COG5: variants seen among roughly 807,000 people sequenced by gnomAD.
COG5 encodes component of oligomeric golgi complex 5, also known as conserved oligomeric Golgi complex subunit 5.
Under a neutral mutation model 110.4 loss-of-function variants are expected in COG5, and 86 were observed. The ratio of observed to expected loss-of-function variants is 0.78; its 90% CI spans 0.65 to 0.93. COG5 has a LOEUF of 0.93. Among genes scored for constraint, COG5 ranks in the 40% least tolerant of loss-of-function variants. The pLI, the probability that COG5 is intolerant of heterozygous loss-of-function variation, is 0.00. For missense variants in COG5, 1,077 were observed against 987.0 expected (o/e 1.09, Z -1.22); for synonymous variants, 360 against 334.6 (o/e 1.08, Z -0.83).
chr7:107,227,548 GCAGAAAATTTC>G (rs762599360), intron 19 of COG5, among the ~76,000 whole-genome samples: 295 of 152,254 alleles, frequency 1.9e-3, no homozygotes, highest in Non-Finnish European at 3.2e-3. Context: ...GAAAGGGTTG[GCAGAAAATTTC>G]CATCTTAAAT....
At chr7:107,540,230 T>C (rs888534445) in intron 5 of COG5, among the ~76,000 whole-genome samples, 3 of 152,172 alleles carry the variant, frequency 2.0e-5, no homozygotes, top group African/African-American at 4.8e-5. Flanking sequence ...AGGGCTAAAC[T>C]AGCCCTAGGC....
At chr7:107,522,157 A>G (rs938035880) in intron 6 of COG5, among the ~76,000 whole-genome samples, 2 of 152,182 alleles carry the variant, frequency 1.3e-5, no homozygotes, top group Non-Finnish European at 1.5e-5. Flanking sequence ...ATTAGGATAA[A>G]TAACTAATGC....
intron 6 of COG5, among the ~76,000 whole-genome samples, chr7:107,439,713 G>C (rs1195875415): frequency 6.6e-6 from 1 of 152,034 alleles, no homozygotes; most frequent in Non-Finnish European, 1.5e-5. Context: ...TTTCTAAGTA[G>C]ACTATCATGT....
In COG5 at chr7:107,237,292, C is replaced by A. The variant is rs1378492312; in HGVS notation, c.1854-605G>T. ...CTTTAATTTGGATCAACAAATGATA[C>A]CAGCTGATGCTCCATGAAATACTAT... On this transcript the variant is annotated intron_variant, in intron 17 of 21. Transcript: ENST00000297135. Among the ~76,000 whole-genome samples the A allele has an allele frequency of 2.6e-5, 4 of 152,110 alleles. No homozygotes were observed. The East Asian group carries it at 5.8e-4, about 22-fold the overall frequency.
chr7:107,387,170 T>C, intron 7 of COG5, among the ~76,000 whole-genome samples: 1 of 152,176 alleles, frequency 6.6e-6, no homozygotes, highest in East Asian at 1.9e-4. Context: ...CAGAGCCCCA[T>C]GGTCAAGCAG....
At chr7:107,305,464 G>A (rs2116958799) in intron 11 of COG5, among the ~76,000 whole-genome samples, 1 of 152,206 alleles carries the variant, frequency 6.6e-6, no homozygotes, top group East Asian at 1.9e-4. Flanking sequence ...TTTCATAAAT[G>A]TACTAGTTAT....
chr7:107,363,848 G>A (rs753737888), intron 8 of COG5, among the ~76,000 whole-genome samples: 5 of 151,800 alleles, frequency 3.3e-5, no homozygotes, highest in Admixed American at 6.6e-5. Context: ...CTAGCTACTC[G>A]GGAGGCTGAG....
intron 11 of COG5, among the ~76,000 whole-genome samples, chr7:107,311,585 G>T (rs1808273762): frequency 6.7e-6 from 1 of 149,580 alleles, no homozygotes; most frequent in Non-Finnish European, 1.5e-5. Context: ...AGTAGAGACG[G>T]GGTTTCACCT....
chr7:107,522,165 T>C (rs1487240474), intron 6 of COG5, among the ~76,000 whole-genome samples: 2 of 152,094 alleles, frequency 1.3e-5, no homozygotes, highest in African/African-American at 2.4e-5. Flanking sequence ...AAATAACTAA[T>C]GCATATGAGG....
chr7:107,444,004 T>C (rs924545386), intron 6 of COG5, among the ~76,000 whole-genome samples: 1 of 152,190 alleles, frequency 6.6e-6, no homozygotes, highest in African/African-American at 2.4e-5. Context: ...AAAAATGAAT[T>C]AGACGCCTAC....
intron 5 of COG5, among the ~76,000 whole-genome samples, chr7:107,540,978 C>G (rs749498665): frequency 6.6e-6 from 1 of 151,792 alleles, no homozygotes; most frequent in Admixed American, 6.6e-5. Flanking sequence ...TGGTAAAACC[C>G]CATCTCTACT....
chr7:107,289,060 A>T (rs1488393028), intron 12 of COG5, among the ~76,000 whole-genome samples: 1 of 150,416 alleles, frequency 6.6e-6, no homozygotes, highest in Non-Finnish European at 1.5e-5. Context: ...TCCTGGACTC[A>T]AGTGATTTTC....
intron 6 of COG5, among the ~76,000 whole-genome samples, chr7:107,508,628 C>G (rs548996808): frequency 2.0e-5 from 3 of 152,324 alleles, no homozygotes; most frequent in African/African-American, 4.8e-5. Context: ...GGAGGCACCC[C>G]CCAGTAGGGG....
intron 5 of COG5, among the ~76,000 whole-genome samples, chr7:107,538,389 A>G (rs762994501): frequency 6.6e-6 from 1 of 152,124 alleles, no homozygotes; most frequent in South Asian, 2.1e-4. Context: ...TATAAAACTC[A>G]ACTGCATTTC....
At chr7:107,276,135 A>G (rs763356502) in intron 14 of COG5, among the ~76,000 whole-genome samples, 16 of 152,152 alleles carry the variant, frequency 1.1e-4, no homozygotes, top group Non-Finnish European at 2.2e-4. Context: ...CTCACAGTTC[A>G]TAACATTTGC....
chr7:107,463,521 T>C (rs943903375), intron 6 of COG5, among the ~76,000 whole-genome samples: 2 of 152,180 alleles, frequency 1.3e-5, no homozygotes, highest in Admixed American at 6.5e-5. Flanking sequence ...TAAGTATTCA[T>C]AGTGTAAGAA....
chr7:107,526,966 C>T (rs149113106), intron 6 of COG5, among the ~76,000 whole-genome samples: 1 of 151,978 alleles, frequency 6.6e-6, no homozygotes, highest in Non-Finnish European at 1.5e-5. Flanking sequence ...TGTAATGGTG[C>T]TTACATAAAT....
chr7:107,410,170 G>T (rs1427663889), intron 7 of COG5, among the ~76,000 whole-genome samples: 1 of 152,164 alleles, frequency 6.6e-6, no homozygotes. Context: ...TCATCAAGGG[G>T]AATACTTCTT....
intron 12 of COG5, among the ~76,000 whole-genome samples, chr7:107,289,779 G>A (rs1023402422): frequency 2.0e-5 from 3 of 152,050 alleles, no homozygotes; most frequent in African/African-American, 7.2e-5. Flanking sequence ...ATCTGTTAAT[G>A]TTAATAAACC....
Sources: allele counts gnomAD v4.1 joint callset (sites outside exome capture counted in the v4.1 genomes callset), GRCh38; gene constraint gnomAD v4.1.1; transcripts MANE v1.5; gene names NCBI Gene and HGNC (gene_info 2026-07-23, HGNC 2026-07-21).